The following MLLT3 variants were observed in gnomAD, a reference collection of about 807,000 sequenced individuals.
MLLT3 encodes the protein MLLT3 super elongation complex subunit.
Under a neutral mutation model 53.2 loss-of-function variants are expected in MLLT3, and 4 were observed. The observed-to-expected ratio is 0.08, with a 90% CI of 0.04 to 0.17. The LOEUF (loss-of-function observed/expected upper bound fraction) is 0.17. Ranked by LOEUF, MLLT3 falls within the 10% of genes least tolerant of loss-of-function variation. The pLI is 1.00. For synonymous variants in MLLT3, 283 were observed against 230.6 expected (o/e 1.23, Z -2.06); for missense variants, 569 against 684.0 (o/e 0.83, Z 1.87).
intron 2 of MLLT3, among the ~76,000 whole-genome samples, chr9:20,605,623 T>G (rs1181815427): frequency 6.6e-6 from 1 of 152,052 alleles, no homozygotes; most frequent in Non-Finnish European, 1.5e-5. Flanking sequence ...GTAATTCGCC[T>G]AAAGAACAAT....
intron 4 of MLLT3, among the ~76,000 whole-genome samples, chr9:20,432,546 T>C (rs1219316340): frequency 1.3e-5 from 2 of 152,138 alleles, no homozygotes; most frequent in Non-Finnish European, 2.9e-5. Context: ...AATACCCCTT[T>C]GTCCTAATAC....
At chr9:20,421,863 G>C (rs1823017196) in intron 4 of MLLT3, among the ~76,000 whole-genome samples, 1 of 152,118 alleles carries the variant, frequency 6.6e-6, no homozygotes, top group African/African-American at 2.4e-5. Context: ...AATGTACTAA[G>C]GGAAAGAGTG....
intron 2 of MLLT3, among the ~76,000 whole-genome samples, chr9:20,534,152 A>G (rs1179869051): frequency 6.6e-6 from 1 of 152,242 alleles, no homozygotes; most frequent in East Asian, 1.9e-4. Flanking sequence ...ATTATACAAA[A>G]TAGGGATATT....
intron 2 of MLLT3, among the ~76,000 whole-genome samples, chr9:20,606,452 A>G (rs1820573105): frequency 6.6e-6 from 1 of 152,120 alleles, no homozygotes; most frequent in Non-Finnish European, 1.5e-5. Flanking sequence ...AGCTACATAA[A>G]CAAAGTAATA....
intron 2 of MLLT3, among the ~76,000 whole-genome samples, chr9:20,519,939 A>G (rs955738949): frequency 6.6e-6 from 1 of 152,258 alleles, no homozygotes; most frequent in African/African-American, 2.4e-5. Context: ...AACGACATGG[A>G]ATCAACCTAA....
chr9:20,357,979 GCGCACACACA>G (rs990825509), intron 8 of MLLT3, among the ~76,000 whole-genome samples: 3 of 137,778 alleles, frequency 2.2e-5, no homozygotes, highest in Admixed American at 7.1e-5. Context: ...CCTCCCTCCT[GCGCACACACA>G]CACACACACA....
intron 2 of MLLT3, among the ~76,000 whole-genome samples, chr9:20,462,975 T>C (rs1255851060): frequency 6.6e-6 from 1 of 151,938 alleles, no homozygotes; most frequent in Non-Finnish European, 1.5e-5. Flanking sequence ...GCAGAAACAC[T>C]GAAAACAATG....
chr9:20,604,078 G>A (rs962145832), intron 2 of MLLT3, among the ~76,000 whole-genome samples: 4 of 152,172 alleles, frequency 2.6e-5, no homozygotes, highest in African/African-American at 4.8e-5. Flanking sequence ...ATTTAATCAC[G>A]TAGCAGTGGG....
At chr9:20,431,219 T>C (rs1823260646) in intron 4 of MLLT3, among the ~76,000 whole-genome samples, 2 of 152,182 alleles carry the variant, frequency 1.3e-5, no homozygotes, top group African/African-American at 4.8e-5. Context: ...AGCATTTCTC[T>C]GAATGTAGTC....
chr9:20,376,767 G>T (rs1029248297), intron 5 of MLLT3, among the ~76,000 whole-genome samples: 1 of 152,056 alleles, frequency 6.6e-6, no homozygotes, highest in South Asian at 2.1e-4. Flanking sequence ...TACTTTAAAG[G>T]CTGCTACGAT....
chr9:20,364,887 TG>T (rs1247232258), intron 6 of MLLT3, among the ~76,000 whole-genome samples: 1 of 152,222 alleles, frequency 6.6e-6, no homozygotes, highest in African/African-American at 2.4e-5. Flanking sequence ...TACACAAAAA[TG>T]GAAAATATAA....
intron 2 of MLLT3, among the ~76,000 whole-genome samples, chr9:20,477,785 T>C (rs1446280803): frequency 1.3e-5 from 2 of 152,154 alleles, no homozygotes; most frequent in African/African-American, 4.8e-5. Context: ...GTATGAGTTA[T>C]TTTTGCAAGC....
intron 4 of MLLT3, chr9:20,418,441 T>C (rs1438029559): frequency 6.6e-6 from 1 of 152,234 alleles, no homozygotes; most frequent in Non-Finnish European, 1.5e-5. Flanking sequence ...GGCCTTGAAT[T>C]TGATTTACTT....
Position 20,620,594 on chromosome 9 carries a change from G to T in MLLT3, c.193+60C>A. On this transcript the variant is annotated intron_variant, in intron 2 of 10. Transcript: ENST00000380338. The surrounding 1 kb of genome is among the most constrained non-coding windows in gnomAD (Gnocchi z 6.1). The stretch of plus-strand genomic sequence containing the variant: ...GGGGAGCGGGACAGCGGGACCGCCC[G>T]GGCCAAGCGATTGTTTCAAAGACAT... 6.6e-7 allele frequency: 1 copy of T among 1,514,640 alleles called. No individual in the cohort carries two copies. The allele number at this position is 1,514,640 out of a possible 1,614,324, so 93.8% of individuals were successfully genotyped here. A position where few individuals can be genotyped will look rare whatever the true frequency, so the allele number is the denominator to read the frequency against.
chr9:20,471,282 A>AG (rs1466647092), intron 2 of MLLT3, among the ~76,000 whole-genome samples: 1 of 152,080 alleles, frequency 6.6e-6, no homozygotes, highest in Non-Finnish European at 1.5e-5. Context: ...ATTACTTGTA[A>AG]TAATAAGAAA....
At chr9:20,580,598 G>A (rs1429864038) in intron 2 of MLLT3, among the ~76,000 whole-genome samples, 2 of 152,138 alleles carry the variant, frequency 1.3e-5, no homozygotes, top group Non-Finnish European at 2.9e-5. Flanking sequence ...TAGTCCTGAA[G>A]AAGACCAAGG....
chr9:20,394,836 G>A (rs1339444992), intron 5 of MLLT3, among the ~76,000 whole-genome samples: 5 of 152,106 alleles, frequency 3.3e-5, no homozygotes, highest in Non-Finnish European at 5.9e-5. Context: ...CAGTAAACAG[G>A]AAATCTTGGC....
At chr9:20,387,551 A>T (rs1477413533) in intron 5 of MLLT3, among the ~76,000 whole-genome samples, 1 of 152,166 alleles carries the variant, frequency 6.6e-6, no homozygotes, top group African/African-American at 2.4e-5. Flanking sequence ...TATGGCAGCT[A>T]AACAATTTTA....
At chr9:20,472,382 A>G (rs928139187) in intron 2 of MLLT3, among the ~76,000 whole-genome samples, 1 of 152,108 alleles carries the variant, frequency 6.6e-6, no homozygotes, top group Non-Finnish European at 1.5e-5. Context: ...TTTCCCAAAC[A>G]TCGCACATTT....
Sources: allele counts gnomAD v4.1 joint callset (sites outside exome capture counted in the v4.1 genomes callset), GRCh38; gene constraint gnomAD v4.1.1; non-coding constraint Gnocchi (gnomAD v3.1); transcripts MANE v1.5; gene names NCBI Gene and HGNC (gene_info 2026-07-23, HGNC 2026-07-21).